Variants in WDR76 observed in about 807,000 individuals in gnomAD.
WDR76 encodes WD repeat domain 76.
A neutral mutation model predicts 70.2 loss-of-function variants in WDR76; 52 were observed. The ratio of observed to expected loss-of-function variants is 0.74; its 90% confidence interval spans 0.59 to 0.93. WDR76 has a LOEUF of 0.93. Ranked by LOEUF, WDR76 falls within the 40% of genes least tolerant of loss-of-function variation. The pLI, the probability that WDR76 is intolerant of heterozygous loss-of-function variation, is 0.00. For missense variants in WDR76, 756 were observed against 760.2 expected, an observed-to-expected ratio of 0.99 and a Z score of 0.07; for synonymous variants, 292 against 271.1, an observed-to-expected ratio of 1.08 and a Z score of -0.76.
At position 43,827,096 on chromosome 15, in the gene WDR76, A is replaced by C. The variant is rs1331714066; in HGVS notation, c.60+4A>C. 4 of 1,607,144 alleles carry C rather than the reference A, an allele frequency of 2.5e-6. No homozygotes were observed. Among genetic ancestry groups the C allele is most frequent in the Non-Finnish European group, 2.5e-6 (3 of 1,178,454 alleles). On this transcript the variant is annotated splice_donor_region_variant and intron_variant, in intron 1 of 12. Transcript: ENST00000263795. ...CAGACAGCGACCCCAGATGAAGGTGAGAAACGGACTGGTGCTTCCAAGGTG... is the reference window on the plus strand; with the variant it reads ...CAGACAGCGACCCCAGATGAAGGTGCGAAACGGACTGGTGCTTCCAAGGTG...
At chr15:43,834,143 C>G (rs558734292) in intron 2 of WDR76, among the ~76,000 whole-genome samples, 2 of 151,928 alleles carry the variant, frequency 1.3e-5, no homozygotes, top group East Asian at 1.9e-4. Context: ...TCTTTTCTTA[C>G]AGTATTTTGC....
intron 9 of WDR76, among the ~76,000 whole-genome samples, chr15:43,852,410 C>T (rs2729531): frequency 5.3e-5 from 8 of 152,094 alleles, no homozygotes; most frequent in Non-Finnish European, 8.8e-5. Flanking sequence ...CTCACTCTGT[C>T]GCCCAGGCTG....
chr15:43,827,479 G>T (rs1371951722), intron 1 of WDR76, among the ~76,000 whole-genome samples: 1 of 152,166 alleles, frequency 6.6e-6, no homozygotes, highest in Admixed American at 6.5e-5. Flanking sequence ...TGAGGTTAAG[G>T]TTAGTGAATT....
At chr15:43,853,753 A>G (rs534407342) in intron 9 of WDR76, among the ~76,000 whole-genome samples, 7 of 151,920 alleles carry the variant, frequency 4.6e-5, no homozygotes, top group Non-Finnish European at 8.8e-5. Context: ...TAAAAATACA[A>G]AAATTAGCCA....
At chr15:43,834,029 A>AT (rs1185824043) in intron 2 of WDR76, among the ~76,000 whole-genome samples, 1 of 151,994 alleles carries the variant, frequency 6.6e-6, no homozygotes, top group Non-Finnish European at 1.5e-5. Context: ...AAGACTGAGT[A>AT]TTTTTTTGTC....
Position 43,833,971 on chromosome 15 carries a change from C to T in WDR76, c.463-1090C>T, listed in dbSNP as rs377226495. Among the ~76,000 whole-genome samples the T allele has an allele frequency of 3.5e-4, 54 of 152,246 alleles. 1 individual carries two copies. The South Asian group carries it at 7.7e-3, about 22-fold the overall frequency. ...TTATTTTTTAATAATTGATTCTCTT[C>T]CAATTTCTCAGCAGTTTCTCGAACA... is the stretch of plus-strand genomic sequence containing the variant. On this transcript the variant is annotated intron_variant, in intron 2 of 12. Transcript: ENST00000263795.
At chr15:43,834,946 A>G (rs2087636353) in intron 2 of WDR76, 115 bp from the exon 3 acceptor site, 1 of 839,358 alleles carries the variant, frequency 1.2e-6, no homozygotes, top group South Asian at 1.6e-5. Flanking sequence ...AAATGAATAG[A>G]GATAGTACAA....
chr15:43,861,386 G>A lies in WDR76; in HGVS notation c.1616G>A (p.Arg539Lys). ...SSKIPLLTTI[R>K]HNTFTGRWLT... ...AAGATTCCGCTCCTCACCACCATCA[G>A]GTAGGCTTCTATATGCCAAATAATG... The change falls in exon 12 of 13, where the codon AGG becomes AAG. Residue 539 changes from arginine (R) to lysine (K), a missense_variant and splice_region_variant. Coordinates refer to ENST00000263795, the MANE Select transcript of WDR76 (RefSeq NM_024908.4). 6.2e-7 allele frequency: 1 copy of A among 1,613,502 alleles called. No homozygotes were observed. The highest frequency in any genetic ancestry group is 8.5e-7 in the Non-Finnish European group (1 of 1,179,576).
At chr15:43,843,864 G>A in intron 7 of WDR76, 37 bp from the exon 8 acceptor site, 1 of 1,512,696 alleles carries the variant, frequency 6.6e-7, no homozygotes, top group Non-Finnish European at 8.9e-7. Context: ...ATTGAGATTG[G>A]TTTTACTTAC....
intron 7 of WDR76, among the ~76,000 whole-genome samples, chr15:43,843,418 TCTC>T (rs2087750399): frequency 6.6e-6 from 1 of 152,202 alleles, no homozygotes; most frequent in Non-Finnish European, 1.5e-5. Flanking sequence ...GGAGTTCACT[TCTC>T]CTCCTACCTG....
rs1194118511 is a variant in WDR76 at position 43,867,985 on chromosome 15, G to C, written c.*1593G>C. 2 of 152,128 alleles carry C rather than the reference G, an allele frequency of 1.3e-5. No homozygotes were observed. The highest frequency in any genetic ancestry group is 1.3e-4 in the Admixed American group (2 of 15,268). The allele number at this position is 152,128 out of a possible 1,614,324, so 9.4% of individuals were successfully genotyped here. On this transcript the variant is annotated 3_prime_UTR_variant, in exon 13 of 13. Coordinates refer to ENST00000263795, the MANE Select transcript of WDR76 (RefSeq NM_024908.4). Reference sequence around the variant, plus strand: ...CATAATTGTATATCAGAGAAATATAGTGATATACAATTTCCTTGAAAACCA... The same window carrying C: ...CATAATTGTATATCAGAGAAATATACTGATATACAATTTCCTTGAAAACCA...
chr15:43,867,568 A>G lies in WDR76; in HGVS notation c.*1176A>G, dbSNP rs557955872. 6.6e-6 allele frequency: 1 copy of G among 150,542 alleles called. No homozygotes were observed. Among genetic ancestry groups the G allele is most frequent in the East Asian group, 1.9e-4 (1 of 5,154 alleles). The allele number at this position is 150,542 out of a possible 1,614,324, so 9.3% of individuals were successfully genotyped here. On this transcript the variant is annotated 3_prime_UTR_variant, in exon 13 of 13. Coordinates refer to ENST00000263795, the MANE Select transcript of WDR76 (RefSeq NM_024908.4). ...GTATTCTGATGTAAAATATATATAT[A>G]TATATATTTTATTACTATAGTACCA...
intron 12 of WDR76, among the ~76,000 whole-genome samples, chr15:43,864,374 A>G (rs1595456867): frequency 6.6e-6 from 1 of 152,218 alleles, no homozygotes; most frequent in East Asian, 1.9e-4. Context: ...TCCACCAACA[A>G]TGTACAAGGG....
intron 8 of WDR76, among the ~76,000 whole-genome samples, chr15:43,844,926 T>TAA (rs1163275078): frequency 0.1 from 1,559 of 15,510 alleles, 258 homozygotes; most frequent in African/African-American, 0.2. Context: ...AGACTCTGTG[T>TAA]AAAAAAAAAA....
chr15:43,837,583 T>G (rs962049438), intron 4 of WDR76, among the ~76,000 whole-genome samples: 2 of 152,174 alleles, frequency 1.3e-5, no homozygotes, highest in African/African-American at 4.8e-5. Context: ...TTTGATTCAG[T>G]CACTTACAGC....
rs1033640860 is a variant in WDR76, at chr15:43,851,999, C to T, written c.1191+754C>T. On this transcript the variant is annotated intron_variant, in intron 9 of 12. Coordinates refer to ENST00000263795, the MANE Select transcript of WDR76 (RefSeq NM_024908.4). ...ATTGCTTGAGCCCAGGAGATTGAGG[C>T]TGTAGTAAAGCCGTGATCACATACA... Among the ~76,000 whole-genome samples, 4 of 152,136 alleles carry T rather than the reference C, an allele frequency of 2.6e-5. No individual in the cohort carries two copies. In the East Asian group the frequency reaches 7.7e-4, roughly 29 times the overall value.
At position 43,839,660 on chromosome 15, in the gene WDR76, A is replaced by G; in HGVS notation, c.664A>G (p.Lys222Glu). ...ATGTAGAAGGTCAATGCGATTACTA[A>G]AAGTTGATCCTTCGGGAGTTTCATT... The part of the protein sequence containing the change: ...IGCRRSMRLL[K>E]VDPSGVSLPA... Residue 222 changes from lysine to glutamate, a missense_variant, in exon 5 of 13, where the codon AAA becomes GAA. Coordinates refer to ENST00000263795, the MANE Select transcript of WDR76 (RefSeq NM_024908.4). The G allele has an allele frequency of 6.2e-7, 1 of 1,612,920 alleles. No homozygotes were observed. The highest frequency in any genetic ancestry group is 1.7e-4 in the Middle Eastern group (1 of 6,058).
In WDR76 at chr15:43,846,364, C is replaced by T. The variant is rs141079210; in HGVS notation, c.1032+2310C>T. On this transcript the variant is annotated intron_variant, in intron 8 of 12. Coordinates refer to ENST00000263795, the MANE Select transcript of WDR76 (RefSeq NM_024908.4). Reference sequence around the variant, plus strand: ...GCAGTGGCATGATCATAGCTCACTGCAGCCTCAACTTCCCACGGTCAAGCA... The same window carrying T: ...GCAGTGGCATGATCATAGCTCACTGTAGCCTCAACTTCCCACGGTCAAGCA... Among the ~76,000 whole-genome samples the T allele has an allele frequency of 6.5e-3, 962 of 148,862 alleles. 77 individuals are homozygous for T. The highest frequency in any genetic ancestry group is 9.7e-3 in the Non-Finnish European group (641 of 66,392).
intron 2 of WDR76, among the ~76,000 whole-genome samples, chr15:43,832,417 C>T (rs1462837169): frequency 2.1e-5 from 3 of 146,274 alleles, no homozygotes; most frequent in African/African-American, 7.5e-5. Context: ...CATGCCGAGG[C>T]CTGGGTTCAT....
Sources: gnomAD v4.1 joint callset for allele counts (sites outside exome capture counted in the v4.1 genomes callset) on GRCh38, gnomAD v4.1.1 for gene constraint, MANE v1.5 for transcripts, NCBI Gene and HGNC (gene_info 2026-07-23, HGNC 2026-07-21) for gene names.